ZNF532: variants seen among roughly 807,000 people sequenced by gnomAD.
ZNF532 encodes zinc finger protein 532.
Under a neutral mutation model 89.3 loss-of-function variants are expected in ZNF532, and 22 were observed. The observed-to-expected ratio is 0.25, with a 90% confidence interval of 0.18 to 0.35. ZNF532 has a LOEUF of 0.35. Among genes scored for constraint, ZNF532 ranks in the 10% least tolerant of loss-of-function variants. The pLI is 1.00. For missense variants in ZNF532, 1,132 were observed against 1,643.4 expected, an observed-to-expected ratio of 0.69 and a Z score of 5.38; for synonymous variants, 606 against 649.6, an observed-to-expected ratio of 0.93 and a Z score of 1.02.
chr18:58,926,875 G>A (rs2146284853), intron 3 of ZNF532, among the ~76,000 whole-genome samples: 1 of 152,246 alleles, frequency 6.6e-6, no homozygotes, highest in South Asian at 2.1e-4. Context: ...TTTCTGGAAT[G>A]AATCCCACTT....
intron 7 of ZNF532, among the ~76,000 whole-genome samples, chr18:58,970,978 A>G (rs886655668): frequency 2.6e-5 from 4 of 152,204 alleles, no homozygotes; most frequent in Admixed American, 1.3e-4. Flanking sequence ...CATTGCCCTA[A>G]GCTCAGAAAC....
chr18:58,897,465 C>G (rs1181948434), intron 2 of ZNF532, among the ~76,000 whole-genome samples: 1 of 152,150 alleles, frequency 6.6e-6, no homozygotes, highest in Non-Finnish European at 1.5e-5. Context: ...GGAACATTTT[C>G]TGACAAATAA....
At chr18:58,946,129 G>C (rs1225602517) in intron 5 of ZNF532, among the ~76,000 whole-genome samples, 1 of 152,158 alleles carries the variant, frequency 6.6e-6, no homozygotes, top group Non-Finnish European at 1.5e-5. Context: ...TCATCCAGCA[G>C]AGATGCTGAC....
At chr18:58,945,737 T>TA (rs2063593164) in intron 5 of ZNF532, among the ~76,000 whole-genome samples, 1 of 151,786 alleles carries the variant, frequency 6.6e-6, no homozygotes, top group Non-Finnish European at 1.5e-5. Context: ...ATTTATTTTT[T>TA]TTTTTTTTTG....
intron 2 of ZNF532, among the ~76,000 whole-genome samples, chr18:58,871,629 G>A (rs998879251): frequency 2.0e-5 from 3 of 152,240 alleles, no homozygotes; most frequent in Non-Finnish European, 4.4e-5. Flanking sequence ...GGCACAGCAG[G>A]TGCTAAACAG....
At chr18:58,975,595 C>T (rs941429781) in intron 7 of ZNF532, among the ~76,000 whole-genome samples, 4 of 152,160 alleles carry the variant, frequency 2.6e-5, no homozygotes, top group Admixed American at 1.3e-4. Flanking sequence ...GGGTAGCGCA[C>T]GCCTAGCATA....
intron 4 of ZNF532, among the ~76,000 whole-genome samples, chr18:58,936,503 G>T (rs930604222): frequency 6.6e-6 from 1 of 152,200 alleles, no homozygotes; most frequent in Admixed American, 6.5e-5. Flanking sequence ...TAAAACAGAA[G>T]CTCCACATGC....
At chr18:58,900,720 G>A (rs1164857103) in intron 2 of ZNF532, among the ~76,000 whole-genome samples, 2 of 152,128 alleles carry the variant, frequency 1.3e-5, no homozygotes. Flanking sequence ...AACCGTTATT[G>A]ACATACAATT....
chr18:58,864,702 C>T (rs2056292803), upstream of ZNF532: 1 of 152,316 alleles, frequency 6.6e-6, no homozygotes, highest in African/African-American at 2.4e-5. Context: ...CTCAGGAAGA[C>T]CTAAGAGGGA....
intron 7 of ZNF532, 86 bp downstream of exon 7, chr18:58,953,885 G>A: frequency 6.6e-7 from 1 of 1,511,562 alleles, no homozygotes. Flanking sequence ...TCTTGGCTTG[G>A]CTCTATCAGT....
At chr18:58,871,522 C>G (rs1398691838) in intron 2 of ZNF532, among the ~76,000 whole-genome samples, 2 of 152,262 alleles carry the variant, frequency 1.3e-5, no homozygotes, top group Non-Finnish European at 2.9e-5. Flanking sequence ...TTGAAACATG[C>G]TCCTTCTCAC....
In ZNF532 at chr18:58,907,904, G is replaced by A. The variant is rs150070024; in HGVS notation, c.-17-10367G>A. Among the ~76,000 whole-genome samples the A allele has an allele frequency of 2.4e-4, 37 of 152,272 alleles. No individual in the cohort carries two copies. The East Asian group carries it at 4.2e-3, about 17-fold the overall frequency. On this transcript the variant is annotated intron_variant, in intron 2 of 9. Coordinates refer to ENST00000591808, the MANE Select transcript of ZNF532 (RefSeq NM_001375912.1). The stretch of plus-strand genomic sequence containing the variant: ...TTCTTTCCTTCTTTTGCTGAAAGCC[G>A]CAGTCTGACTAGGAAGGTTAATAAA...
intron 2 of ZNF532, among the ~76,000 whole-genome samples, chr18:58,904,838 CT>C (rs532227361): frequency 3.1e-3 from 414 of 135,128 alleles, no homozygotes; most frequent in Admixed American, 3.9e-3. Flanking sequence ...CTATTTCTTT[CT>C]TTTTTTTTTT....
At chr18:58,927,002 T>A (rs1051816543) in intron 3 of ZNF532, among the ~76,000 whole-genome samples, 1 of 152,242 alleles carries the variant, frequency 6.6e-6, no homozygotes, top group Non-Finnish European at 1.5e-5. Flanking sequence ...TTGTTTGGTT[T>A]GAGATAGGTT....
chr18:58,941,519 G>A (rs2063026960), intron 5 of ZNF532, among the ~76,000 whole-genome samples: 1 of 127,648 alleles, frequency 7.8e-6, no homozygotes, highest in Admixed American at 9.7e-5. Context: ...GATCCAAACT[G>A]GAGTGTGATC....
chr18:58,890,510 T>C (rs977088858), intron 2 of ZNF532, among the ~76,000 whole-genome samples: 2 of 152,002 alleles, frequency 1.3e-5, no homozygotes, highest in Non-Finnish European at 2.9e-5. Flanking sequence ...CTGTACCTGG[T>C]ATCTCCTTGC....
intron 2 of ZNF532, among the ~76,000 whole-genome samples, chr18:58,889,235 A>G (rs1413838868): frequency 6.6e-6 from 1 of 151,990 alleles, no homozygotes; most frequent in Non-Finnish European, 1.5e-5. Context: ...GTTAACACAT[A>G]GAGTTAAAAA....
chr18:58,958,065 C>CAAAAA lies in ZNF532; in HGVS notation c.3150+4280_3150+4284dup, dbSNP rs71336311. Among the ~76,000 whole-genome samples, 362 of 124,580 alleles carry CAAAAA rather than the reference C, an allele frequency of 2.9e-3. 1 individual carries two copies. Among genetic ancestry groups the CAAAAA allele is most frequent in the Admixed American group, 7.7e-3 (95 of 12,314 alleles). The allele number at this position is 124,580 out of a possible 152,430, so 81.7% of individuals were successfully genotyped here. On this transcript the variant is annotated intron_variant, in intron 7 of 9. Transcript: ENST00000591808. Reference sequence around the variant, plus strand: ...TAGGCAACAGAGCAAGACAATGTGTCAAAAAAAAAAAAAAAAAATACAAAA... The same window carrying CAAAAA: ...TAGGCAACAGAGCAAGACAATGTGTCAAAAAAAAAAAAAAAAAAAAAAATACAAAA...
chr18:58,904,771 A>T (rs1319969085), intron 2 of ZNF532, among the ~76,000 whole-genome samples: 1 of 152,174 alleles, frequency 6.6e-6, no homozygotes, highest in Non-Finnish European at 1.5e-5. Flanking sequence ...TAGTCGTGGA[A>T]GATAATCTGA....
Sources: gnomAD v4.1 joint callset for allele counts (sites outside exome capture counted in the v4.1 genomes callset) on GRCh38, gnomAD v4.1.1 for gene constraint, MANE v1.5 for transcripts, NCBI Gene and HGNC (gene_info 2026-07-23, HGNC 2026-07-21) for gene names.